Variants in ACAP2 observed in about 807,000 individuals in gnomAD.
The protein encoded by ACAP2 is ArfGAP with coiled-coil, ankyrin repeat and PH domains 2.
In ACAP2, 39 loss-of-function variants were observed where a neutral mutation model predicts 115.8. That is an observed-to-expected ratio of 0.34 (90% confidence interval 0.26 to 0.44). The LOEUF is 0.44. Ranked by LOEUF, ACAP2 falls within the 20% of genes least tolerant of loss-of-function variation. ACAP2 has a pLI of 1.00. For missense variants in ACAP2, 662 were observed against 927.6 expected (o/e 0.71, Z 3.72); for synonymous variants, 289 against 315.8 (o/e 0.92, Z 0.90).
At chr3:195,394,467 A>G (rs1711574567) in intron 1 of ACAP2, among the ~76,000 whole-genome samples, 1 of 152,154 alleles carries the variant, frequency 6.6e-6, no homozygotes, top group African/African-American at 2.4e-5. Flanking sequence ...AACTTCTCCA[A>G]TCTTATTTCA....
intron 10 of ACAP2, among the ~76,000 whole-genome samples, chr3:195,319,126 G>A (rs559188739): frequency 2.1e-4 from 32 of 152,332 alleles, no homozygotes; most frequent in African/African-American, 7.7e-4. Context: ...TGGCTTCCAT[G>A]TGGTATTAGG....
chr3:195,387,817 G>A (rs182815579), intron 2 of ACAP2, among the ~76,000 whole-genome samples: 6 of 152,318 alleles, frequency 3.9e-5, no homozygotes, highest in African/African-American at 1.2e-4. Context: ...TGAAGAGACA[G>A]CATCATTGTT....
intron 18 of ACAP2, 77 bp downstream of exon 18, chr3:195,294,642 T>A (rs533524989): frequency 7.4e-5 from 28 of 379,388 alleles, no homozygotes; most frequent in African/African-American, 1.6e-4. Context: ...ATTTTTTTTT[T>A]AATCAAAGGT....
chr3:195,352,055 G>A (rs982899984), intron 4 of ACAP2, among the ~76,000 whole-genome samples: 11 of 152,136 alleles, frequency 7.2e-5, no homozygotes, highest in Non-Finnish European at 1.0e-4. Flanking sequence ...GTCATGTGCC[G>A]CATAATGACA....
At chr3:195,314,714 T>C (rs1197664840) in intron 10 of ACAP2, among the ~76,000 whole-genome samples, 1 of 152,094 alleles carries the variant, frequency 6.6e-6, no homozygotes, top group African/African-American at 2.4e-5. Flanking sequence ...CCCAAAAAAA[T>C]ATTTAAATAG....
At chr3:195,415,141 C>T (rs1388122444) in intron 1 of ACAP2, among the ~76,000 whole-genome samples, 1 of 152,142 alleles carries the variant, frequency 6.6e-6, no homozygotes, top group Admixed American at 6.5e-5. Flanking sequence ...TCAATGTAGG[C>T]TCAATGCTTG....
intron 4 of ACAP2, among the ~76,000 whole-genome samples, chr3:195,365,809 T>C (rs1732674300): frequency 6.6e-6 from 1 of 152,062 alleles, no homozygotes; most frequent in Non-Finnish European, 1.5e-5. Context: ...ATGAATATTA[T>C]TTATTCCTCT....
At chr3:195,416,489 T>C (rs1405468573) in intron 1 of ACAP2, among the ~76,000 whole-genome samples, 3 of 152,074 alleles carry the variant, frequency 2.0e-5, no homozygotes, top group African/African-American at 4.8e-5. Flanking sequence ...ACATACACCA[T>C]CTCCTATATA....
intron 8 of ACAP2, among the ~76,000 whole-genome samples, chr3:195,331,560 G>T (rs1480427155): frequency 2.0e-5 from 3 of 151,882 alleles, no homozygotes; most frequent in Non-Finnish European, 2.9e-5. Flanking sequence ...TAATCTGCAT[G>T]CCTCAGCCTC....
intron 1 of ACAP2, among the ~76,000 whole-genome samples, chr3:195,402,535 A>G (rs533130627): frequency 2.0e-5 from 3 of 152,362 alleles, no homozygotes; most frequent in Admixed American, 2.0e-4. Context: ...TATACATATA[A>G]CTTTTTAAGT....
chr3:195,392,241 T>A, intron 1 of ACAP2, 94 bp from the exon 2 acceptor site: 2 of 986,250 alleles, frequency 2.0e-6, no homozygotes, highest in East Asian at 5.4e-5. Flanking sequence ...TAGATATGAA[T>A]GCTTAAAAAT....
intron 15 of ACAP2, 100 bp downstream of exon 15, chr3:195,301,475 A>C: frequency 1.1e-6 from 1 of 898,744 alleles, no homozygotes; most frequent in Non-Finnish European, 1.7e-6. Flanking sequence ...GCTAGCATAC[A>C]TTGGTAGCAT....
chr3:195,368,338 C>T (rs534726802), intron 4 of ACAP2, among the ~76,000 whole-genome samples: 5 of 152,044 alleles, frequency 3.3e-5, no homozygotes, highest in East Asian at 1.9e-4. Context: ...TTAATAGAGA[C>T]GGGGTTTCAC....
At chr3:195,439,141 G>C (rs756283259) in intron 1 of ACAP2, among the ~76,000 whole-genome samples, 1 of 147,418 alleles carries the variant, frequency 6.8e-6, no homozygotes, top group Admixed American at 6.8e-5. Context: ...CATTGTTAAA[G>C]GATAAAAATA....
At chr3:195,334,673 A>G (rs1441895831) in intron 7 of ACAP2, among the ~76,000 whole-genome samples, 2 of 152,130 alleles carry the variant, frequency 1.3e-5, no homozygotes, top group Admixed American at 6.6e-5. Flanking sequence ...CTATCCAACA[A>G]ACTAGGGGCA....
intron 1 of ACAP2, among the ~76,000 whole-genome samples, chr3:195,401,737 A>G (rs1577419991): frequency 6.6e-6 from 1 of 152,138 alleles, no homozygotes; most frequent in Non-Finnish European, 1.5e-5. Flanking sequence ...ATAAGCAACA[A>G]CCCCAGAATC....
chr3:195,427,837 G>T (rs1269628623), intron 1 of ACAP2, among the ~76,000 whole-genome samples: 1 of 152,040 alleles, frequency 6.6e-6, no homozygotes, highest in Non-Finnish European at 1.5e-5. Flanking sequence ...AGCCTGGGAG[G>T]TGGAAGTTGC....
At chr3:195,374,705 CCTTTT>C (rs60052147) in intron 4 of ACAP2, among the ~76,000 whole-genome samples, 71 of 151,030 alleles carry the variant, frequency 4.7e-4, no homozygotes, top group Admixed American at 9.9e-4. Flanking sequence ...ATGCAGAAGA[CCTTTT>C]CTTTTCTTTT....
At chr3:195,320,232 A>G (rs1729361570) in intron 10 of ACAP2, among the ~76,000 whole-genome samples, 1 of 152,302 alleles carries the variant, frequency 6.6e-6, no homozygotes, top group Admixed American at 6.5e-5. Flanking sequence ...TATAACAGTG[A>G]GAAAATGGAC....
Sources: allele counts gnomAD v4.1 joint callset (sites outside exome capture counted in the v4.1 genomes callset), GRCh38; gene constraint gnomAD v4.1.1; transcripts MANE v1.5; gene names NCBI Gene and HGNC (gene_info 2026-07-23, HGNC 2026-07-21).